Variants in ABHD6 observed in about 807,000 individuals in gnomAD.
ABHD6 encodes the protein abhydrolase domain containing 6, acylglycerol lipase, also known as monoacylglycerol lipase ABHD6.
In ABHD6, 33 loss-of-function variants were observed where a neutral mutation model predicts 38.8. That is an observed-to-expected ratio of 0.85 (90% CI 0.64 to 1.14). The LOEUF is 1.14. ABHD6 is among the 50% of genes most tolerant of loss of function. ABHD6 has a pLI of 0.00. For missense variants in ABHD6, 380 were observed against 422.6 expected (o/e 0.90, Z 0.88); for synonymous variants, 147 against 161.6 (o/e 0.91, Z 0.69).
chr3:58,239,717 T>G (rs1410170400), intron 1 of ABHD6, among the ~76,000 whole-genome samples: 1 of 152,130 alleles, frequency 6.6e-6, no homozygotes, highest in African/African-American at 2.4e-5. Flanking sequence ...TGGGAAGTAA[T>G]TCTGAAACTT....
At position 58,263,050 on chromosome 3, in the gene ABHD6, A is replaced by G. The variant is rs1314018899; in HGVS notation, c.120-4139A>G. Among the ~76,000 whole-genome samples the G allele has an allele frequency of 6.6e-6, 1 of 152,168 alleles. No individual in the cohort carries two copies. Among genetic ancestry groups the G allele is most frequent in the Non-Finnish European group, 1.5e-5 (1 of 68,022 alleles). On this transcript the variant is annotated intron_variant, in intron 3 of 9. Coordinates refer to ENST00000478253, the MANE Select transcript of ABHD6 (RefSeq NM_001320126.2). The surrounding 1 kb of genome is among the most constrained non-coding windows in gnomAD (Gnocchi z 4.9). Reference sequence around the variant, plus strand: ...TGGTGAAACCCCATCTCTACTACAAATACGAAAATTAGCCAGGCGTGGTGG... The same window carrying G: ...TGGTGAAACCCCATCTCTACTACAAGTACGAAAATTAGCCAGGCGTGGTGG...
chr3:58,290,155 G>T (rs1201741525), intron 9 of ABHD6, among the ~76,000 whole-genome samples: 5 of 114,402 alleles, frequency 4.4e-5, no homozygotes, highest in Non-Finnish European at 7.1e-5. Flanking sequence ...GGGGCGGCTG[G>T]CCGGGCGGGG....
chr3:58,280,034 T>C (rs1395805021), intron 7 of ABHD6, among the ~76,000 whole-genome samples: 1 of 152,236 alleles, frequency 6.6e-6, no homozygotes, highest in Non-Finnish European at 1.5e-5. Flanking sequence ...TTTTCCTTCA[T>C]TTCAACCTTG....
rs944942302 is a variant in ABHD6, at chr3:58,265,491, A to G, written c.120-1698A>G. The stretch of plus-strand genomic sequence containing the variant: ...ACAAAATCATCTTTACATAATACTA[A>G]TAACTATCATGTACTGAATACTTAC... On this transcript the variant is annotated intron_variant, in intron 3 of 9. Coordinates refer to ENST00000478253, the MANE Select transcript of ABHD6 (RefSeq NM_001320126.2). The surrounding 1 kb of genome is among the most constrained non-coding windows in gnomAD (Gnocchi z 4.2). 1.3e-5 allele frequency among the ~76,000 whole-genome samples: 2 copies of G among 152,210 alleles called. No homozygotes were observed. The highest frequency in any genetic ancestry group is 4.8e-5 in the African/African-American group (2 of 41,460).
intron 7 of ABHD6, among the ~76,000 whole-genome samples, chr3:58,284,665 G>C (rs1019754137): frequency 1.3e-5 from 2 of 151,982 alleles, no homozygotes; most frequent in African/African-American, 4.8e-5. Flanking sequence ...TGGCCAGGCT[G>C]GTCTTGAACT....
At chr3:58,268,449 T>C (rs1454522313) in intron 4 of ABHD6, among the ~76,000 whole-genome samples, 1 of 152,142 alleles carries the variant, frequency 6.6e-6, no homozygotes, top group Non-Finnish European at 1.5e-5. Flanking sequence ...TTTGTCTTGG[T>C]TTACTTGGGT....
At chr3:58,270,357 A>C (rs939940666) in intron 5 of ABHD6, among the ~76,000 whole-genome samples, 1 of 152,174 alleles carries the variant, frequency 6.6e-6, no homozygotes, top group African/African-American at 2.4e-5. Flanking sequence ...TATTTAATAC[A>C]TATTACCTTT....
intron 7 of ABHD6, among the ~76,000 whole-genome samples, chr3:58,282,144 C>T (rs1014607339): frequency 3.3e-5 from 5 of 152,060 alleles, no homozygotes; most frequent in African/African-American, 4.8e-5. Flanking sequence ...GTAGTTTGAC[C>T]TCCTAGACTC....
At chr3:58,290,460 G>C (rs1471924532) in intron 9 of ABHD6, among the ~76,000 whole-genome samples, 1 of 116,908 alleles carries the variant, frequency 8.6e-6, no homozygotes, top group African/African-American at 3.4e-5. Flanking sequence ...GCGGCTGGCC[G>C]GGCGGGGGGC....
In ABHD6 at chr3:58,291,937, G is replaced by A. The variant is rs9879666; in HGVS notation, c.838-1652G>A. Among the ~76,000 whole-genome samples the A allele has an allele frequency of 5.1e-3, 778 of 152,134 alleles. 7 individuals are homozygous for A. The highest frequency in any genetic ancestry group is 0.018 in the African/African-American group (745 of 41,398). Reference sequence around the variant, plus strand: ...TGCACTCCAGCCTGTGCAACAGAGCGAGACCCTGTCTCAAAAAAACAAAAA... The same window carrying A: ...TGCACTCCAGCCTGTGCAACAGAGCAAGACCCTGTCTCAAAAAAACAAAAA... On this transcript the variant is annotated intron_variant, in intron 9 of 9. Transcript: ENST00000478253.
chr3:58,276,293 T>A, intron 7 of ABHD6, among the ~76,000 whole-genome samples: 1 of 152,238 alleles, frequency 6.6e-6, no homozygotes, highest in South Asian at 2.1e-4. Context: ...TCCTGACTTT[T>A]TAATGATTGC....
In ABHD6 at chr3:58,293,161, C is replaced by T. The variant is rs1047738404; in HGVS notation, c.838-428C>T. ...TCTCAGCCGCCGTGCTCCTTGGTGG[C>T]CCCTGCACTCGCCATGATCTCCCAC... On this transcript the variant is annotated intron_variant, in intron 9 of 9. Coordinates refer to ENST00000478253, the MANE Select transcript of ABHD6 (RefSeq NM_001320126.2). The surrounding 1 kb of genome is among the most constrained non-coding windows in gnomAD (Gnocchi z 4.4). Among the ~76,000 whole-genome samples, 1 of 152,046 alleles carries T rather than the reference C, an allele frequency of 6.6e-6. No homozygotes were observed. The highest frequency in any genetic ancestry group is 1.5e-5 in the Non-Finnish European group (1 of 67,998).
chr3:58,252,229 G>GTTTTTTTTT lies in ABHD6; in HGVS notation c.-26+2302_-26+2310dup, dbSNP rs10671892. ...GCATTTTTCTTTAAATTGACTGCTT[G>GTTTTTTTTT]TTTTTTTTTTTTTTTTTTTTTTTGG... On this transcript the variant is annotated intron_variant, in intron 2 of 9. Transcript: ENST00000478253. 8.0e-4 allele frequency among the ~76,000 whole-genome samples: 65 copies of GTTTTTTTTT among 80,952 alleles called. 3 individuals carry two copies. The highest frequency in any genetic ancestry group is 1.9e-3 in the African/African-American group (36 of 19,274). 53.1% of individuals were successfully genotyped at this position (80,952 alleles called of 152,430 possible). A position where few individuals can be genotyped will look rare whatever the true frequency, so the allele number is the denominator to read the frequency against.
intron 7 of ABHD6, among the ~76,000 whole-genome samples, chr3:58,278,248 G>A (rs1248019791): frequency 2.0e-5 from 3 of 152,064 alleles, no homozygotes; most frequent in African/African-American, 7.2e-5. Context: ...TTTTTGGTTG[G>A]TAAGCCATTA....
chr3:58,269,658 C>T lies in ABHD6; in HGVS notation c.390+224C>T, dbSNP rs72886165. ...TTAAGCCTATTGCAGTTGTTTGTAA[C>T]GAAATACAATCTGAGCATTTTCTCA... is the stretch of plus-strand genomic sequence containing the variant. On this transcript the variant is annotated intron_variant, in intron 5 of 9. Transcript: ENST00000478253. This position sits in a 1 kb window ranked among gnomAD's most constrained non-coding sequence, Gnocchi z 4.4. Among the ~76,000 whole-genome samples the T allele has an allele frequency of 0.12, 18,213 of 152,166 alleles. 1,434 individuals are homozygous for T. Among genetic ancestry groups the T allele is most frequent in the African/African-American group, 0.22 (8,966 of 41,490 alleles).
At chr3:58,275,801 A>AC (rs1470526836) in intron 7 of ABHD6, among the ~76,000 whole-genome samples, 1 of 150,938 alleles carries the variant, frequency 6.6e-6, no homozygotes, top group African/African-American at 2.4e-5. Context: ...CCAGCCCCCT[A>AC]CCCCCTGCCT....
chr3:58,285,160 C>G lies in ABHD6; in HGVS notation c.736+21C>G. The G allele has an allele frequency of 6.2e-7, 1 of 1,611,942 alleles. No individual in the cohort carries two copies. Among genetic ancestry groups the G allele is most frequent in the Non-Finnish European group, 8.5e-7 (1 of 1,178,020 alleles). On this transcript the variant is annotated intron_variant, in intron 8 of 9. Transcript: ENST00000478253. The surrounding 1 kb of genome is among the most constrained non-coding windows in gnomAD (Gnocchi z 4.9). ...AAAGTGTAAGTAGCCCTACTTTCAG[C>G]TTGGAGCTTGTTACAAGTGAAGCTC...
Position 58,270,925 on chromosome 3 carries a change from T to C in ABHD6, c.391-7T>C. 6.3e-7 allele frequency: 1 copy of C among 1,598,952 alleles called. No homozygotes were observed. Among genetic ancestry groups the C allele is most frequent in the Non-Finnish European group, 8.5e-7 (1 of 1,174,240 alleles). ...TAACCAAGCTGCTTTCTCATTTCCC[T>C]TCCTAGTTTGTAGAATGCCTGAAGC... On this transcript the variant is annotated splice_polypyrimidine_tract_variant and splice_region_variant and intron_variant, in intron 5 of 9. Transcript: ENST00000478253.
At chr3:58,289,920 C>T (rs1246800059) in intron 9 of ABHD6, among the ~76,000 whole-genome samples, 3 of 145,506 alleles carry the variant, frequency 2.1e-5, no homozygotes, top group Non-Finnish European at 4.5e-5. Flanking sequence ...AGGGGCTCCT[C>T]ACTTCCCAGT....
Sources: gnomAD v4.1 joint callset for allele counts (sites outside exome capture counted in the v4.1 genomes callset) on GRCh38, gnomAD v4.1.1 for gene constraint, Gnocchi (gnomAD v3.1) non-coding constraint, MANE v1.5 for transcripts, NCBI Gene and HGNC (gene_info 2026-07-23, HGNC 2026-07-21) for gene names.